CHD9: variants seen among roughly 807,000 people sequenced by gnomAD.
CHD9 encodes the protein chromodomain helicase DNA binding protein 9, also known as ATP-dependent chromatin remodeler CHD9.
A neutral mutation model predicts 316.1 loss-of-function variants in CHD9; 77 were observed. That is an observed-to-expected ratio of 0.24 (90% CI 0.20 to 0.29). The LOEUF (loss-of-function observed/expected upper bound fraction) is 0.29. Among genes scored for constraint, CHD9 ranks in the 10% least tolerant of loss-of-function variants. CHD9 has a pLI of 1.00. For synonymous variants in CHD9, 1,129 were observed against 1,158.3 expected, an observed-to-expected ratio of 0.97 and a Z score of 0.51; for missense variants, 2,763 against 3,438.1, an observed-to-expected ratio of 0.80 and a Z score of 4.91.
intron 2 of CHD9, among the ~76,000 whole-genome samples, chr16:53,172,560 G>T (rs1158235917): frequency 2.0e-5 from 3 of 151,934 alleles, no homozygotes; most frequent in Non-Finnish European, 2.9e-5. Context: ...TTTTTAATAG[G>T]TATATATTTA....
chr16:53,258,890 A>G (rs1425074011), intron 19 of CHD9, among the ~76,000 whole-genome samples: 1 of 152,206 alleles, frequency 6.6e-6, no homozygotes, highest in African/African-American at 2.4e-5. Context: ...TGAATTGCTT[A>G]ATTTACAAAG....
At chr16:53,142,044 G>A (rs1290746426) in intron 1 of CHD9, among the ~76,000 whole-genome samples, 1 of 152,120 alleles carries the variant, frequency 6.6e-6, no homozygotes, top group East Asian at 1.9e-4. Flanking sequence ...AAGTACATAT[G>A]TTGAGAGGCA....
chr16:53,168,428 T>G (rs1228384015), intron 2 of CHD9: 2 of 152,094 alleles, frequency 1.3e-5, no homozygotes, highest in Admixed American at 6.6e-5. Flanking sequence ...CATTGGAATA[T>G]ATATAGATAT....
chr16:53,167,468 C>T (rs1597249417), intron 2 of CHD9, among the ~76,000 whole-genome samples: 1 of 152,252 alleles, frequency 6.6e-6, no homozygotes, highest in East Asian at 1.9e-4. Context: ...GAGATGTTCT[C>T]TTTTCATTTC....
chr16:53,057,203 G>A (rs1033446400), intron 1 of CHD9, among the ~76,000 whole-genome samples: 15 of 152,044 alleles, frequency 9.9e-5, no homozygotes, highest in African/African-American at 3.6e-4. Flanking sequence ...GTGGCCGGGT[G>A]TGGTGGCTCA....
chr16:53,077,713 C>CAGGCT (rs1159801029), intron 1 of CHD9, among the ~76,000 whole-genome samples: 1 of 152,188 alleles, frequency 6.6e-6, no homozygotes, highest in Admixed American at 6.6e-5. Context: ...TTGATGAATT[C>CAGGCT]AGTACCTCAC....
intron 1 of CHD9, among the ~76,000 whole-genome samples, chr16:53,099,497 C>G (rs1051384471): frequency 6.6e-6 from 1 of 151,892 alleles, no homozygotes; most frequent in Non-Finnish European, 1.5e-5. Context: ...TCAGCTACAC[C>G]GAGGGGGACG....
intron 1 of CHD9, among the ~76,000 whole-genome samples, chr16:53,120,542 G>A (rs1468946832): frequency 1.3e-5 from 2 of 152,070 alleles, no homozygotes; most frequent in South Asian, 2.1e-4. Context: ...GAAACCGGGA[G>A]GCGGAGGCTA....
chr16:53,241,392 C>G (rs963894275), intron 12 of CHD9, among the ~76,000 whole-genome samples: 1 of 152,194 alleles, frequency 6.6e-6, no homozygotes, highest in Non-Finnish European at 1.5e-5. Flanking sequence ...CACTCATTAT[C>G]TCACATATTT....
chr16:53,062,822 G>A (rs2033062351), intron 1 of CHD9, among the ~76,000 whole-genome samples: 1 of 152,126 alleles, frequency 6.6e-6, no homozygotes, highest in Non-Finnish European at 1.5e-5. Context: ...CCTGAGGTTG[G>A]GAGATTGAAA....
chr16:53,089,968 G>A (rs1054023858), intron 1 of CHD9, among the ~76,000 whole-genome samples: 4 of 152,200 alleles, frequency 2.6e-5, no homozygotes, highest in East Asian at 1.9e-4. Flanking sequence ...GGGAGGCCAC[G>A]CTGGTTGCAG....
rs376048998 is a variant in CHD9, at chr16:53,156,647, C to T, written c.558C>T (p.Leu186=). ...GCTCACAACAAAACAGAAATAATCT[C>T]AACCCAGGGCAGAATTCTCTTAGCC... ...SLRSQQNRNN[L]NPGQNSLSQS... is the part of the protein sequence containing the mutation. Residue 186 remains leucine, a synonymous_variant, in exon 2 of 39, where the codon CTC becomes CTT. Transcript: ENST00000447540. 6.2e-7 allele frequency: 1 copy of T among 1,613,838 alleles called. No individual in the cohort carries two copies. The highest frequency in any genetic ancestry group is 1.3e-5 in the African/African-American group (1 of 74,942).
chr16:53,178,649 A>G (rs1384938204), intron 2 of CHD9, among the ~76,000 whole-genome samples: 1 of 151,826 alleles, frequency 6.6e-6, no homozygotes, highest in East Asian at 1.9e-4. Context: ...CGTTGTAGAG[A>G]TGAGACTCTC....
In CHD9 at chr16:53,245,438, A is replaced by T. The variant is rs1237267027; in HGVS notation, c.3157A>T (p.Thr1053Ser). 1.9e-6 allele frequency: 3 copies of T among 1,605,000 alleles called. No individual in the cohort carries two copies. The highest frequency in any genetic ancestry group is 2.5e-6 in the Non-Finnish European group (3 of 1,177,352). Reference protein sequence around the residue: ...LEPLRFPSESTFMQEFGDLKT... With the variant: ...LEPLRFPSESSFMQEFGDLKT... ...ACCCTTAAGGTTTCCTTCTGAATCA[A>T]CATTTATGCAAGAATTTGGGGATCT... is the stretch of plus-strand genomic sequence containing the variant. The change falls in exon 14 of 39, where the codon ACA becomes TCA. Residue 1053 changes from threonine (T) to serine (S), a missense_variant. Around this residue, in one of 15 missense-constraint regions of CHD9, gnomAD observed 155 missense variants for 291.8 expected, o/e 0.53. Coordinates refer to ENST00000447540, the MANE Select transcript of CHD9 (RefSeq NM_001308319.2). The surrounding 1 kb of genome is among the most constrained non-coding windows in gnomAD (Gnocchi z 4.1).
chr16:53,200,851 A>G (rs1170440628), intron 2 of CHD9, among the ~76,000 whole-genome samples: 1 of 152,158 alleles, frequency 6.6e-6, no homozygotes, highest in Non-Finnish European at 1.5e-5. Context: ...GACATCATCT[A>G]CTCTCTGATA....
chr16:53,248,473 ATTTT>A (rs1004543695), intron 16 of CHD9, among the ~76,000 whole-genome samples: 1 of 140,850 alleles, frequency 7.1e-6, no homozygotes, highest in Non-Finnish European at 1.5e-5. Flanking sequence ...TCAGCTATAG[ATTTT>A]TTATTTTATT....
At chr16:53,289,263 G>A (rs2054132687) in intron 27 of CHD9, among the ~76,000 whole-genome samples, 1 of 152,112 alleles carries the variant, frequency 6.6e-6, no homozygotes, top group African/African-American at 2.4e-5. Flanking sequence ...AACTTTAAAA[G>A]TGGGAAAAGG....
chr16:53,265,632 C>T (rs1359462703), intron 20 of CHD9, among the ~76,000 whole-genome samples: 2 of 151,808 alleles, frequency 1.3e-5, no homozygotes, highest in East Asian at 3.9e-4. Context: ...TGCTCTATAC[C>T]AAGTAAACTC....
Position 53,289,877 on chromosome 16 carries a change from G to C in CHD9, c.5248-1848G>C, listed in dbSNP as rs375516577. On this transcript the variant is annotated intron_variant, in intron 27 of 38. Coordinates refer to ENST00000447540, the MANE Select transcript of CHD9 (RefSeq NM_001308319.2). ...TAAATCTGCCCTGTAAGGTTGCCAAGGAAGATTTTCCTGGGAAAGTGTCTC... is the reference window on the plus strand; with the variant it reads ...TAAATCTGCCCTGTAAGGTTGCCAACGAAGATTTTCCTGGGAAAGTGTCTC... 3.1e-4 allele frequency among the ~76,000 whole-genome samples: 47 copies of C among 152,266 alleles called. No individual in the cohort carries two copies. In the East Asian group the frequency reaches 8.7e-3, roughly 28 times the overall value.
Sources: allele counts gnomAD v4.1 joint callset (sites outside exome capture counted in the v4.1 genomes callset), GRCh38; gene constraint gnomAD v4.1.1; regional missense constraint gnomAD v4.1.1; non-coding constraint Gnocchi (gnomAD v3.1); transcripts MANE v1.5; gene names NCBI Gene and HGNC (gene_info 2026-07-23, HGNC 2026-07-21).